CDH13: variants seen among roughly 807,000 people sequenced by gnomAD.
CDH13 encodes cadherin-13.
CDH13 carries 24 observed loss-of-function variants against 63.8 expected under a neutral mutation model. That is an observed-to-expected ratio of 0.38 (90% CI 0.27 to 0.53). The LOEUF (loss-of-function observed/expected upper bound fraction) is 0.53, where lower values mean the gene tolerates loss of function less well. Among genes scored for constraint, CDH13 ranks in the 20% least tolerant of loss-of-function variants. The probability of loss-of-function intolerance (pLI) is 0.85; values close to 1 mark genes in which losing one functional copy is unlikely to be tolerated. For synonymous variants in CDH13, 503 were observed against 355.3 expected, an observed-to-expected ratio of 1.42 and a Z score of -4.67; for missense variants, 1,049 against 903.1, an observed-to-expected ratio of 1.16 and a Z score of -2.07.
At chr16:83,085,044 T>G (rs987813737) in intron 3 of CDH13, among the ~76,000 whole-genome samples, 4 of 152,196 alleles carry the variant, frequency 2.6e-5, no homozygotes, top group Admixed American at 1.3e-4. Flanking sequence ...TTGTCTGGCT[T>G]TAATCTTCAT....
chr16:83,421,903 C>T (rs938204030), intron 6 of CDH13, among the ~76,000 whole-genome samples: 1 of 152,158 alleles, frequency 6.6e-6, no homozygotes, highest in Non-Finnish European at 1.5e-5. Context: ...CTCATGAAAG[C>T]AGGAAACAAA....
At chr16:83,063,750 C>T (rs1438474549) in intron 3 of CDH13, among the ~76,000 whole-genome samples, 1 of 152,136 alleles carries the variant, frequency 6.6e-6, no homozygotes, top group East Asian at 1.9e-4. Flanking sequence ...AAATGAGTTT[C>T]ACAAGGCCAA....
intron 6 of CDH13, among the ~76,000 whole-genome samples, chr16:83,383,561 T>C (rs1459842765): frequency 6.6e-6 from 1 of 152,188 alleles, no homozygotes; most frequent in Admixed American, 6.5e-5. Context: ...CTGTTTCCTC[T>C]TCTCCCATTA....
intron 6 of CDH13, among the ~76,000 whole-genome samples, chr16:83,402,809 A>C (rs955840562): frequency 3.3e-5 from 5 of 152,296 alleles, no homozygotes; most frequent in Admixed American, 1.3e-4. Flanking sequence ...TAATTGTATT[A>C]CCTAATTTAT....
chr16:83,630,289 T>A (rs1430889806), intron 8 of CDH13, among the ~76,000 whole-genome samples: 1 of 152,210 alleles, frequency 6.6e-6, no homozygotes, highest in Non-Finnish European at 1.5e-5. Context: ...TAAAAGTATC[T>A]GGGACAGGTC....
chr16:83,168,391 A>G (rs1263491248), intron 4 of CDH13, among the ~76,000 whole-genome samples: 5 of 151,922 alleles, frequency 3.3e-5, no homozygotes, highest in Admixed American at 1.3e-4. Context: ...ACACACATAT[A>G]TTTACGACTG....
intron 5 of CDH13, among the ~76,000 whole-genome samples, chr16:83,291,879 A>G (rs1597678817): frequency 6.6e-6 from 1 of 152,166 alleles, no homozygotes; most frequent in Non-Finnish European, 1.5e-5. Context: ...TCTTTTCCAT[A>G]TAGCTAATGT....
intron 4 of CDH13, among the ~76,000 whole-genome samples, chr16:83,127,443 A>G (rs1361007860): frequency 6.6e-6 from 1 of 152,116 alleles, no homozygotes; most frequent in Non-Finnish European, 1.5e-5. Flanking sequence ...TTGAAAATTG[A>G]TCTTGGACGG....
intron 1 of CDH13, among the ~76,000 whole-genome samples, chr16:82,794,068 G>A (rs1195469477): frequency 6.6e-6 from 1 of 152,032 alleles, no homozygotes; most frequent in Non-Finnish European, 1.5e-5. Context: ...TCCAATCCGA[G>A]GCCCGTGGGT....
intron 11 of CDH13, 28 bp downstream of exon 11, chr16:83,748,278 G>T (rs757935895): frequency 1.3e-6 from 2 of 1,564,592 alleles, no homozygotes; most frequent in African/African-American, 1.4e-5. Flanking sequence ...ACCATCAAGG[G>T]TATACTTTTC....
chr16:82,694,060 C>G (rs556204797), intron 1 of CDH13, among the ~76,000 whole-genome samples: 7 of 152,182 alleles, frequency 4.6e-5, no homozygotes, highest in Non-Finnish European at 8.8e-5. Flanking sequence ...AAAACATATA[C>G]TTAAACACTA....
At chr16:82,849,866 C>A (rs1358470152) in intron 1 of CDH13, among the ~76,000 whole-genome samples, 5 of 152,350 alleles carry the variant, frequency 3.3e-5, no homozygotes, top group Non-Finnish European at 7.4e-5. Context: ...GACAGTACAT[C>A]TGTTTACAAC....
chr16:82,768,514 C>G (rs2035145413), intron 1 of CDH13, among the ~76,000 whole-genome samples: 1 of 152,152 alleles, frequency 6.6e-6, no homozygotes. Flanking sequence ...ATGGTAGATT[C>G]CAGCTATTAA....
chr16:83,359,349 AAGT>A (rs1229435398), intron 6 of CDH13, among the ~76,000 whole-genome samples: 1 of 152,202 alleles, frequency 6.6e-6, no homozygotes, highest in African/African-American at 2.4e-5. Context: ...TTCTGTGAGC[AAGT>A]AGATATCAGG....
intron 2 of CDH13, among the ~76,000 whole-genome samples, chr16:83,006,226 A>G (rs1227869688): frequency 6.6e-6 from 1 of 152,232 alleles, no homozygotes; most frequent in Admixed American, 6.5e-5. Flanking sequence ...ACCCAACACA[A>G]TAGCAAATGA....
intron 3 of CDH13, among the ~76,000 whole-genome samples, chr16:83,036,697 C>T (rs1916891081): frequency 6.6e-6 from 1 of 152,168 alleles, no homozygotes; most frequent in Admixed American, 6.5e-5. Context: ...CACTCTGCAT[C>T]CCTCTCCCTT....
chr16:82,991,116 T>C (rs551132574), intron 2 of CDH13, among the ~76,000 whole-genome samples: 1 of 152,316 alleles, frequency 6.6e-6, no homozygotes, highest in Admixed American at 6.5e-5. Flanking sequence ...GATCACACCA[T>C]CTTGCACAAT....
chr16:82,699,340 A>T (rs538168730), intron 1 of CDH13, among the ~76,000 whole-genome samples: 7 of 152,290 alleles, frequency 4.6e-5, no homozygotes, highest in African/African-American at 1.7e-4. Flanking sequence ...CACCGGTAGT[A>T]GGGAGTGCAT....
At position 83,073,315 on chromosome 16, in the gene CDH13, G is replaced by A. The variant is rs141351731; in HGVS notation, c.366+41097G>A. Among the ~76,000 whole-genome samples, 809 of 138,904 alleles carry A rather than the reference G, an allele frequency of 5.8e-3. 5 individuals are homozygous for A. Among genetic ancestry groups the A allele is most frequent in the Non-Finnish European group, 8.6e-3 (567 of 65,614 alleles). The allele number at this position is 138,904 out of a possible 152,430, so 91.1% of individuals were successfully genotyped here. ...AAGGAATGGGCTCTCTCTTTGGGGT[G>A]TGTGTCTGTGTGTGTGTGTGTGTGT... On this transcript the variant is annotated intron_variant, in intron 3 of 13. Coordinates refer to ENST00000567109, the MANE Select transcript of CDH13 (RefSeq NM_001257.5).
Sources: gnomAD v4.1 joint callset for allele counts (sites outside exome capture counted in the v4.1 genomes callset) on GRCh38, gnomAD v4.1.1 for gene constraint, MANE v1.5 for transcripts, NCBI Gene and HGNC (gene_info 2026-07-23, HGNC 2026-07-21) for gene names.